The following CCDC180 variants were observed in gnomAD, a reference collection of about 807,000 sequenced individuals.
The protein encoded by CCDC180 is coiled-coil domain-containing protein 180.
In CCDC180, 154 loss-of-function variants were observed where a neutral mutation model predicts 209.2. That is an observed-to-expected ratio of 0.74 (90% CI 0.65 to 0.84). The LOEUF (loss-of-function observed/expected upper bound fraction) is 0.84. Ranked by LOEUF, CCDC180 falls within the 40% of genes least tolerant of loss-of-function variation. CCDC180 has a pLI of 0.00. For synonymous variants in CCDC180, 778 were observed against 749.1 expected, an observed-to-expected ratio of 1.04 and a Z score of -0.63; for missense variants, 1,874 against 1,997.3, an observed-to-expected ratio of 0.94 and a Z score of 1.18.
upstream of CCDC180, chr9:97,307,451 G>A: frequency 1.7e-6 from 1 of 592,936 alleles, no homozygotes; most frequent in Non-Finnish European, 3.1e-6. Flanking sequence ...GGACGGCCAG[G>A]GGCTGCTCAG....
At chr9:97,338,841 C>T (rs1013362663) in intron 18 of CCDC180, among the ~76,000 whole-genome samples, 2 of 152,064 alleles carry the variant, frequency 1.3e-5, no homozygotes, top group African/African-American at 4.8e-5. Context: ...TCTAGGTGTT[C>T]CTGTTTTGGA....
At chr9:97,309,301 C>T in intron 2 of CCDC180, 113 bp from the exon 3 acceptor site, 2 of 1,064,588 alleles carry the variant, frequency 1.9e-6, no homozygotes, top group Non-Finnish European at 2.7e-6. Context: ...TGAAAAGTAC[C>T]TTCCTGGGGG....
intron 14 of CCDC180, 108 bp from the exon 15 acceptor site, chr9:97,326,446 T>G: frequency 1.4e-6 from 1 of 708,960 alleles, no homozygotes; most frequent in South Asian, 1.6e-5. Context: ...CTGGGTCTGC[T>G]GAGGCACCTG....
At chr9:97,363,999 G>T in intron 28 of CCDC180, 52 bp from the exon 29 acceptor site, 1 of 1,570,558 alleles carries the variant, frequency 6.4e-7, no homozygotes, top group Non-Finnish European at 8.8e-7. Flanking sequence ...GCTCAGACCT[G>T]CCTTGCGTCT....
intron 14 of CCDC180, among the ~76,000 whole-genome samples, chr9:97,325,664 A>G (rs1833507766): frequency 1.3e-5 from 2 of 152,194 alleles, no homozygotes; most frequent in South Asian, 4.1e-4. Flanking sequence ...GTGCCTTTCT[A>G]TGTGCGGTTT....
Position 97,313,329 on chromosome 9 carries a change from T to C in CCDC180, c.443T>C (p.Ile148Thr), listed in dbSNP as rs1414179826. Reference sequence around the variant, plus strand: ...GCTCTGGCCAGCTTTCAGGAGGAGATTGCGCAGGTGGGAAAGGTGAGAATC... The same window carrying C: ...GCTCTGGCCAGCTTTCAGGAGGAGACTGCGCAGGTGGGAAAGGTGAGAATC... The part of the protein sequence containing the change: ...ESALASFQEE[I>T]AQVGKEMEPL... Residue 148 changes from isoleucine (I) to threonine (T), a missense_variant, in exon 5 of 37, where the codon ATT becomes ACT. Physicochemically the swap from Ile to Thr is moderately conservative, Grantham distance 89 (BLOSUM62 -1). Coordinates refer to ENST00000529487, the MANE Select transcript of CCDC180 (RefSeq NM_020893.6). 1 of 1,610,194 alleles carries C rather than the reference T, an allele frequency of 6.2e-7. No homozygotes were observed. The highest frequency in any genetic ancestry group is 1.3e-5 in the African/African-American group (1 of 74,832).
chr9:97,362,291 A>G lies in CCDC180; in HGVS notation c.3752A>G (p.Glu1251Gly), dbSNP rs376760039. The change falls in exon 28 of 37, where the codon GAG becomes GGG. Residue 1251 changes from glutamate to glycine, a missense_variant. By Grantham distance (98) the Glu-to-Gly change is moderately conservative. Transcript: ENST00000529487. ...AWACGSRGSS[E>G]AGAGGAVCSP... ...GCCTGTGGGTCTCGGGGCAGCAGTG[A>G]GGCAGGGGCTGGTGGTGCTGTGTGC... 2.5e-6 allele frequency: 4 copies of G among 1,614,046 alleles called. No homozygotes were observed. The highest frequency in any genetic ancestry group is 3.4e-6 in the Non-Finnish European group (4 of 1,180,020).
intron 10 of CCDC180, 111 bp from the exon 11 acceptor site, chr9:97,320,015 C>T: frequency 1.2e-6 from 1 of 823,936 alleles, no homozygotes; most frequent in Admixed American, 1.8e-5. Flanking sequence ...CTTTGTTCTT[C>T]AGTGTTTAAA....
At chr9:97,354,527 A>C (rs1256099056) in intron 22 of CCDC180, 42 bp from the exon 23 acceptor site, 7 of 1,606,218 alleles carry the variant, frequency 4.4e-6, no homozygotes, top group Non-Finnish European at 6.0e-6. Context: ...GAGAACTCTT[A>C]GGTCTGATCT....
intron 11 of CCDC180, 68 bp downstream of exon 11, chr9:97,320,273 C>T (rs1833315791): frequency 1.4e-6 from 2 of 1,432,700 alleles, no homozygotes; most frequent in South Asian, 1.1e-5. Flanking sequence ...TTTGCTGAAG[C>T]TCAGCCAAAT....
chr9:97,349,438 T>G (rs1191152471), intron 21 of CCDC180, 147 bp downstream of exon 21: 1 of 717,464 alleles, frequency 1.4e-6, no homozygotes, highest in Non-Finnish European at 2.2e-6. Flanking sequence ...TTCAAGAGAG[T>G]CAAGTCAAAC....
chr9:97,322,577 GC>G (rs1234664801), intron 11 of CCDC180, among the ~76,000 whole-genome samples: 1 of 152,174 alleles, frequency 6.6e-6, no homozygotes, highest in Non-Finnish European at 1.5e-5. Context: ...AATTTCACCA[GC>G]CCTGAAACCG....
intron 19 of CCDC180, chr9:97,345,791 A>G (rs1826248506): frequency 6.1e-6 from 1 of 165,074 alleles, no homozygotes; most frequent in African/African-American, 2.4e-5. Context: ...AGGCTTTGTC[A>G]GATAAATAAA....
rs776205086 is a variant in CCDC180, at chr9:97,318,508, G to T, written c.1005G>T (p.Thr335=). The stretch of plus-strand genomic sequence containing the variant: ...GTATCCATACTCCCCCGGCTGTGAC[G>T]AAGGAGCTAGAGGTCATGCTGAAGA... ...SESIHTPPAV[T]KELEVMLKTQ... is the part of the protein sequence containing the mutation. The change falls in exon 10 of 37, where the codon ACG becomes ACT. Residue 335 remains threonine, a synonymous_variant. Coordinates refer to ENST00000529487, the MANE Select transcript of CCDC180 (RefSeq NM_020893.6). 9 of 1,613,840 alleles carry T rather than the reference G, an allele frequency of 5.6e-6. No individual in the cohort carries two copies. The highest frequency in any genetic ancestry group is 6.8e-6 in the Non-Finnish European group (8 of 1,179,960).
At chr9:97,348,420 C>G (rs1330287066) in intron 20 of CCDC180, among the ~76,000 whole-genome samples, 1 of 152,190 alleles carries the variant, frequency 6.6e-6, no homozygotes, top group Non-Finnish European at 1.5e-5. Flanking sequence ...TGAGTAAAAG[C>G]TCCCTGAAGG....
chr9:97,347,470 C>A lies in CCDC180; in HGVS notation c.2655C>A (p.Asp885Glu), dbSNP rs762073057. The change falls in exon 20 of 37, where the codon GAC becomes GAA. Residue 885 changes from aspartate (D) to glutamate (E), a missense_variant. By Grantham distance (45) the Asp-to-Glu change is conservative (BLOSUM62 2). Transcript: ENST00000529487. ...CAAGAGCCCAGCAGATTGAAAAAGA[C>A]ATCCACAACGTCAGGGCAGGTACAG... The part of the protein sequence containing the change: ...HQPRAQQIEK[D>E]IHNVRAAELL... The A allele has an allele frequency of 6.5e-7, 1 of 1,536,144 alleles. No individual in the cohort carries two copies. The highest frequency in any genetic ancestry group is 1.2e-5 in the South Asian group (1 of 84,054).
intron 24 of CCDC180, among the ~76,000 whole-genome samples, chr9:97,355,845 A>G (rs1826566871): frequency 6.6e-6 from 1 of 152,098 alleles, no homozygotes; most frequent in Non-Finnish European, 1.5e-5. Context: ...GGCGGTGGGG[A>G]GTGAAGCATT....
intron 28 of CCDC180, chr9:97,363,817 C>T (rs1452387268): frequency 3.5e-6 from 2 of 576,406 alleles, no homozygotes; most frequent in African/African-American, 1.9e-5. Context: ...CCTCTCACAG[C>T]AGCTGTGGTT....
At chr9:97,370,573 A>G in intron 32 of CCDC180, 68 bp from the exon 33 acceptor site, 1 of 1,561,516 alleles carries the variant, frequency 6.4e-7, no homozygotes, top group Middle Eastern at 1.7e-4. Context: ...CATAATTGAC[A>G]GAAGACACAG....
Sources: allele counts gnomAD v4.1 joint callset (sites outside exome capture counted in the v4.1 genomes callset), GRCh38; gene constraint gnomAD v4.1.1; transcripts MANE v1.5; gene names NCBI Gene and HGNC (gene_info 2026-07-23, HGNC 2026-07-21).